Variants in OPRM1 observed in about 807,000 individuals in gnomAD.
OPRM1 encodes the protein mu-type opioid receptor.
Under a neutral mutation model 31.8 loss-of-function variants are expected in OPRM1, and 27 were observed. That is an observed-to-expected ratio of 0.85 (90% CI 0.63 to 1.17). The LOEUF (loss-of-function observed/expected upper bound fraction) is 1.17, where lower values mean the gene tolerates loss of function less well. Ranked by LOEUF, OPRM1 falls within the 50% of genes most tolerant of loss-of-function variation. The probability of loss-of-function intolerance (pLI) is 0.00; values close to 1 mark genes in which losing one functional copy is unlikely to be tolerated. For missense variants in OPRM1, 536 were observed against 511.1 expected, an observed-to-expected ratio of 1.05 and a Z score of -0.47; for synonymous variants, 196 against 189.9, an observed-to-expected ratio of 1.03 and a Z score of -0.26.
intron 3 of OPRM1, among the ~76,000 whole-genome samples, chr6:154,218,590 C>T (rs1778604073): frequency 6.6e-6 from 1 of 152,164 alleles, no homozygotes; most frequent in Admixed American, 6.5e-5. Context: ...AAACCGGCTG[C>T]ATCAGTAAGA....
At chr6:154,017,168 T>C (rs1778053765) in intron 1 of OPRM1, among the ~76,000 whole-genome samples, 1 of 152,166 alleles carries the variant, frequency 6.6e-6, no homozygotes, top group Non-Finnish European at 1.5e-5. Context: ...ACCCCATCTT[T>C]CTTTCCTCCC....
chr6:154,090,714 A>G (rs1414867269), intron 2 of OPRM1, among the ~76,000 whole-genome samples: 1 of 152,238 alleles, frequency 6.6e-6, no homozygotes, highest in Non-Finnish European at 1.5e-5. Flanking sequence ...TCCCTGAACG[A>G]AAGCTTAATG....
intron 3 of OPRM1, among the ~76,000 whole-genome samples, chr6:154,178,944 A>T (rs778386614): frequency 6.6e-6 from 1 of 152,238 alleles, no homozygotes; most frequent in Non-Finnish European, 1.5e-5. Context: ...GGTGTTAGGA[A>T]TCAAGAAAAT....
intron 1 of OPRM1, among the ~76,000 whole-genome samples, chr6:154,079,502 A>G (rs1283522999): frequency 6.6e-6 from 1 of 152,210 alleles, no homozygotes; most frequent in Non-Finnish European, 1.5e-5. Flanking sequence ...GTGAGCAGGC[A>G]GGGGCTCGAA....
chr6:154,096,453 A>G (rs780109945), intron 3 of OPRM1, among the ~76,000 whole-genome samples: 1 of 152,168 alleles, frequency 6.6e-6, no homozygotes, highest in Non-Finnish European at 1.5e-5. Context: ...CAGTTGAATT[A>G]TCACTGAAAC....
chr6:154,106,479 C>T (rs565246018), intron 3 of OPRM1, among the ~76,000 whole-genome samples: 13 of 152,150 alleles, frequency 8.5e-5, no homozygotes, highest in African/African-American at 1.2e-4. Flanking sequence ...GCAAGTTGTA[C>T]GGTAAGAGTC....
chr6:154,076,027 G>A (rs1051447244), intron 1 of OPRM1, among the ~76,000 whole-genome samples: 5 of 152,140 alleles, frequency 3.3e-5, no homozygotes, highest in African/African-American at 9.7e-5. Flanking sequence ...GGAGATGCTC[G>A]AAAAGGCTAT....
At chr6:154,216,476 G>A (rs889923227) in intron 3 of OPRM1, among the ~76,000 whole-genome samples, 1 of 152,164 alleles carries the variant, frequency 6.6e-6, no homozygotes, top group African/African-American at 2.4e-5. Context: ...GCATAGAATA[G>A]TATGTTTAGC....
chr6:154,106,695 T>C (rs932578625), intron 3 of OPRM1, among the ~76,000 whole-genome samples: 3 of 152,188 alleles, frequency 2.0e-5, no homozygotes, highest in Non-Finnish European at 4.4e-5. Context: ...TACAGGATCC[T>C]TTTTTATATA....
chr6:154,233,771 T>G (rs567683294), intron 3 of OPRM1, among the ~76,000 whole-genome samples: 1 of 152,268 alleles, frequency 6.6e-6, no homozygotes, highest in South Asian at 2.1e-4. Context: ...CTGGCAAGAC[T>G]TCCTGCCACC....
intron 3 of OPRM1, chr6:154,093,189 A>C (rs1325579308): frequency 4.0e-6 from 5 of 1,235,792 alleles, no homozygotes; most frequent in Non-Finnish European, 5.7e-6. Flanking sequence ...AGCTAAGGAT[A>C]AAATATTTTG....
At chr6:154,045,919 C>T (rs1781021718) in intron 1 of OPRM1, among the ~76,000 whole-genome samples, 1 of 152,154 alleles carries the variant, frequency 6.6e-6, no homozygotes, top group Non-Finnish European at 1.5e-5. Context: ...ATCAGAAGGC[C>T]CCGCCCACAT....
In OPRM1 at chr6:154,130,080, A is replaced by G. The variant is rs1797805191; in HGVS notation, c.*11359A>G. Among the ~76,000 whole-genome samples the G allele has an allele frequency of 2.4e-5, 2 of 82,862 alleles. No individual in the cohort carries two copies. Among genetic ancestry groups the G allele is most frequent in the South Asian group, 1.4e-3 (2 of 1,464 alleles). The allele number at this position is 82,862 out of a possible 152,430, so 54.4% of individuals were successfully genotyped here. A position where few individuals can be genotyped will look rare whatever the true frequency, so the allele number is the denominator to read the frequency against. On this transcript the variant is annotated 3_prime_UTR_variant, in exon 4 of 4. Coordinates refer to ENST00000330432, the MANE Select transcript of OPRM1 (RefSeq NM_000914.5). ...AAATGAAAATTAGAATTTGCTTTCAATTATACTATCTCTATCTAAATCTTA... is the reference window on the plus strand; with the variant it reads ...AAATGAAAATTAGAATTTGCTTTCAGTTATACTATCTCTATCTAAATCTTA...
rs199712510 is a variant in OPRM1, at chr6:154,026,337, C to T, written c.1-12824C>T. On this transcript the variant is annotated intron_variant, in intron 1 of 5. Transcript: ENST00000434900. ...GAGCTAAATTGTATGTTGTTTGTTT[C>T]TTTTTTATTGCTGCTTTTAGGATCC... Among the ~76,000 whole-genome samples the T allele has an allele frequency of 1.7e-4, 26 of 151,898 alleles. No homozygotes were observed. The East Asian group carries it at 5.0e-3, about 29-fold the overall frequency.
At chr6:154,140,724 A>G (rs1798183550) in intron 3 of OPRM1, among the ~76,000 whole-genome samples, 2 of 152,156 alleles carry the variant, frequency 1.3e-5, no homozygotes, top group South Asian at 4.2e-4. Context: ...ATAGATATAC[A>G]GGTCAACCCA....
chr6:154,099,420 GAGAA>G (rs1379218059), intron 3 of OPRM1, among the ~76,000 whole-genome samples: 3 of 16,196 alleles, frequency 1.9e-4, no homozygotes, highest in Non-Finnish European at 3.7e-4. Flanking sequence ...AAGAGAGAAA[GAGAA>G]AGAAAGAGGG....
rs560684685 is a variant in OPRM1 at position 154,162,043 on chromosome 6, T to C, written c.1164+70571T>C. ...GAAATGGAAGCCATCAGAAGAGCAC[T>C]TCTCCCAAGTTCCTATTGCCCACGA... On this transcript the variant is annotated intron_variant, in intron 3 of 3. Transcript: ENST00000337049. 5.7e-4 allele frequency among the ~76,000 whole-genome samples: 87 copies of C among 152,308 alleles called. 1 individual carries two copies. Among genetic ancestry groups the C allele is most frequent in the African/African-American group, 2.0e-3 (83 of 41,558 alleles).
At chr6:154,057,850 A>G (rs1471484833) in intron 1 of OPRM1, among the ~76,000 whole-genome samples, 1 of 152,198 alleles carries the variant, frequency 6.6e-6, no homozygotes, top group African/African-American at 2.4e-5. Flanking sequence ...AAGACAGGCA[A>G]GAGAAAAATC....
In OPRM1 at chr6:154,128,549, A is replaced by G. The variant is rs1226982238; in HGVS notation, c.*9828A>G. 1.3e-5 allele frequency among the ~76,000 whole-genome samples: 2 copies of G among 152,148 alleles called. No homozygotes were observed. Among genetic ancestry groups the G allele is most frequent in the Non-Finnish European group, 2.9e-5 (2 of 68,024 alleles). ...TGCACATGCATATTAAAATATGGGC[A>G]CCTCTTTTAATTCTTTTTTTTCTCA... On this transcript the variant is annotated 3_prime_UTR_variant, in exon 4 of 4. Coordinates refer to ENST00000330432, the MANE Select transcript of OPRM1 (RefSeq NM_000914.5).
Sources: allele counts gnomAD v4.1 joint callset (sites outside exome capture counted in the v4.1 genomes callset), GRCh38; gene constraint gnomAD v4.1.1; transcripts MANE v1.5; gene names NCBI Gene and HGNC (gene_info 2026-07-23, HGNC 2026-07-21).